Variants in PRR5L observed in about 807,000 individuals in gnomAD.
PRR5L encodes the protein proline-rich protein 5-like.
In PRR5L, 21 loss-of-function variants were observed where a neutral mutation model predicts 36.4. The ratio of observed to expected loss-of-function variants is 0.58; its 90% CI spans 0.41 to 0.83. The LOEUF (loss-of-function observed/expected upper bound fraction) is 0.83, where lower values mean the gene tolerates loss of function less well. Ranked by LOEUF, PRR5L falls within the 40% of genes least tolerant of loss-of-function variation. The probability of loss-of-function intolerance (pLI) is 0.00; values close to 1 mark genes in which losing one functional copy is unlikely to be tolerated. For missense variants in PRR5L, 381 were observed against 473.3 expected, an observed-to-expected ratio of 0.80 and a Z score of 1.81; for synonymous variants, 188 against 197.0, an observed-to-expected ratio of 0.95 and a Z score of 0.38.
intron 1 of PRR5L, among the ~76,000 whole-genome samples, chr11:36,353,237 TCTC>T (rs1856993730): frequency 6.6e-6 from 1 of 152,090 alleles, no homozygotes; most frequent in Admixed American, 6.5e-5. Flanking sequence ...TTTAAAAACA[TCTC>T]CACACATTGC....
intron 1 of PRR5L, among the ~76,000 whole-genome samples, chr11:36,302,376 A>G (rs1856385835): frequency 6.6e-6 from 1 of 152,324 alleles, no homozygotes; most frequent in South Asian, 2.1e-4. Flanking sequence ...GTGAGTGTCA[A>G]ATGTGAAGCA....
chr11:36,421,666 C>T (rs1858268531), intron 4 of PRR5L, among the ~76,000 whole-genome samples: 1 of 152,110 alleles, frequency 6.6e-6, no homozygotes, highest in South Asian at 2.1e-4. Flanking sequence ...GTAAACCTTC[C>T]TGGGAGAGAG....
At chr11:36,307,482 G>A (rs1000240727) in intron 1 of PRR5L, among the ~76,000 whole-genome samples, 1 of 152,124 alleles carries the variant, frequency 6.6e-6, no homozygotes, top group Non-Finnish European at 1.5e-5. Context: ...ATGTCCTCAG[G>A]GTGCCTCTTC....
At chr11:36,415,422 C>T (rs11033610) in intron 3 of PRR5L, among the ~76,000 whole-genome samples, 16,921 of 152,192 alleles carry the variant, frequency 0.11, 1,054 homozygotes, top group African/African-American at 0.17. Context: ...ACACACAACC[C>T]AGTGCTTCTT....
chr11:36,328,170 T>C (rs529246644), intron 1 of PRR5L, among the ~76,000 whole-genome samples: 3 of 152,196 alleles, frequency 2.0e-5, no homozygotes, highest in Non-Finnish European at 4.4e-5. Flanking sequence ...TCTTATACTA[T>C]CACAATAGGG....
At chr11:36,353,808 T>C (rs1178975148) in intron 1 of PRR5L, among the ~76,000 whole-genome samples, 1 of 152,164 alleles carries the variant, frequency 6.6e-6, no homozygotes. Context: ...CACCTCCTGC[T>C]CTGTGGCCCC....
chr11:36,348,307 G>A (rs1159395407), intron 1 of PRR5L, among the ~76,000 whole-genome samples: 1 of 152,042 alleles, frequency 6.6e-6, no homozygotes, highest in Non-Finnish European at 1.5e-5. Flanking sequence ...GGTATCTATT[G>A]TTCCTATTTA....
Position 36,464,915 on chromosome 11 carries a change from T to TA in PRR5L, c.*2180dup, listed in dbSNP as rs1353458599. The TA allele has an allele frequency of 5.3e-5, 8 of 152,342 alleles. No individual in the cohort carries two copies. Among genetic ancestry groups the TA allele is most frequent in the Admixed American group, 1.3e-4 (2 of 15,304 alleles). 9.4% of individuals were successfully genotyped at this position (152,342 alleles called of 1,614,324 possible). A position where few individuals can be genotyped will look rare whatever the true frequency, so the allele number is the denominator to read the frequency against. ...GACTGTTAGCCAGTTTACAACTTTT[T>TA]ACCATCGATGTACACATTTGATATT... On this transcript the variant is annotated 3_prime_UTR_variant, in exon 9 of 9. Transcript: ENST00000530639.
chr11:36,425,640 G>A (rs1414835493), intron 4 of PRR5L: 1 of 152,090 alleles, frequency 6.6e-6, no homozygotes, highest in Non-Finnish European at 1.5e-5. Context: ...TCTCCATCTG[G>A]GGACTTCTCG....
At chr11:36,429,393 C>T (rs75251950) in intron 4 of PRR5L, among the ~76,000 whole-genome samples, 1,640 of 152,236 alleles carry the variant, frequency 0.011, 44 homozygotes, top group East Asian at 0.081. Context: ...GAGATATGGT[C>T]CTCACTCCTA....
intron 6 of PRR5L, among the ~76,000 whole-genome samples, 171 bp downstream of exon 6, chr11:36,437,647 C>T (rs911062668): frequency 2.0e-5 from 3 of 152,166 alleles, no homozygotes; most frequent in Admixed American, 2.0e-4. Context: ...TATTTAGGGC[C>T]TAACTTCAAG....
chr11:36,334,635 G>A (rs1191712788), intron 1 of PRR5L, among the ~76,000 whole-genome samples: 1 of 152,166 alleles, frequency 6.6e-6, no homozygotes, highest in African/African-American at 2.4e-5. Flanking sequence ...CTTCAGCATA[G>A]GTCAGGCCTC....
chr11:36,330,680 G>A (rs944224817), intron 1 of PRR5L, among the ~76,000 whole-genome samples: 2 of 152,148 alleles, frequency 1.3e-5, no homozygotes, highest in African/African-American at 2.4e-5. Flanking sequence ...TCATTATAAT[G>A]TAATTGATAA....
At chr11:36,325,745 C>T (rs1333629175) in intron 1 of PRR5L, among the ~76,000 whole-genome samples, 1 of 152,198 alleles carries the variant, frequency 6.6e-6, no homozygotes, top group Non-Finnish European at 1.5e-5. Context: ...AATCCAGCTA[C>T]TCCTGTCTCT....
intron 1 of PRR5L, among the ~76,000 whole-genome samples, chr11:36,365,482 C>T (rs932727381): frequency 1.3e-5 from 2 of 152,128 alleles, no homozygotes; most frequent in South Asian, 4.1e-4. Context: ...TAATAGTATT[C>T]CATGAAATGA....
At chr11:36,419,192 T>A (rs1316343966) in intron 3 of PRR5L, 63 bp from the exon 4 acceptor site, 3 of 1,503,136 alleles carry the variant, frequency 2.0e-6, no homozygotes, top group African/African-American at 1.4e-5. Flanking sequence ...GTGAGCACAT[T>A]GTCACCATGA....
At chr11:36,355,729 T>G (rs1170060406) in intron 1 of PRR5L, among the ~76,000 whole-genome samples, 1 of 151,762 alleles carries the variant, frequency 6.6e-6, no homozygotes, top group Non-Finnish European at 1.5e-5. Context: ...TTTTTAATTT[T>G]TTTTTAATTT....
At position 36,360,044 on chromosome 11, in the gene PRR5L, C is replaced by T. The variant is rs1019193710; in HGVS notation, c.-125-40953C>T. On this transcript the variant is annotated intron_variant, in intron 1 of 8. Transcript: ENST00000530639. ...AGAGTGAGACTCTGTCACACACACA[C>T]ACACACACACACACACACATACACA... Among the ~76,000 whole-genome samples, 14 of 113,172 alleles carry T rather than the reference C, an allele frequency of 1.2e-4. No homozygotes were observed. The South Asian group carries it at 4.0e-3, about 32-fold the overall frequency. 74.2% of individuals were successfully genotyped at this position (113,172 alleles called of 152,430 possible).
intron 1 of PRR5L, among the ~76,000 whole-genome samples, chr11:36,381,886 C>T (rs1010014633): frequency 2.0e-5 from 3 of 151,830 alleles, no homozygotes; most frequent in Non-Finnish European, 2.9e-5. Context: ...CAGCCGGGCG[C>T]GGTGGCTCAC....
Sources: gnomAD v4.1 joint callset for allele counts (sites outside exome capture counted in the v4.1 genomes callset) on GRCh38, gnomAD v4.1.1 for gene constraint, MANE v1.5 for transcripts, NCBI Gene and HGNC (gene_info 2026-07-23, HGNC 2026-07-21) for gene names.